The following NDUFAF6 variants were observed in gnomAD, a reference collection of about 807,000 sequenced individuals.
The protein encoded by NDUFAF6 is NADH dehydrogenase (ubiquinone) complex I, assembly factor 6.
Under a neutral mutation model 40.8 loss-of-function variants are expected in NDUFAF6, and 45 were observed. The ratio of observed to expected loss-of-function variants is 1.10; its 90% CI spans 0.87 to 1.42. The LOEUF (loss-of-function observed/expected upper bound fraction) is 1.42, where lower values mean the gene tolerates loss of function less well. Ranked by LOEUF, NDUFAF6 falls within the 40% of genes most tolerant of loss-of-function variation. The probability of loss-of-function intolerance (pLI) is 0.00; values close to 1 mark genes in which losing one functional copy is unlikely to be tolerated. For missense variants in NDUFAF6, 435 were observed against 418.5 expected (o/e 1.04, Z -0.34); for synonymous variants, 185 against 155.9 (o/e 1.19, Z -1.39).
intron 1 of NDUFAF6, among the ~76,000 whole-genome samples, chr8:94,896,283 C>G (rs1313460020): frequency 6.7e-6 from 1 of 148,454 alleles, no homozygotes; most frequent in African/African-American, 2.4e-5. Flanking sequence ...GCCGCCGCCG[C>G]CAGCGCGCCC....
At chr8:95,080,194 A>G (rs187936726), downstream of NDUFAF6, among the ~76,000 whole-genome samples, 953 of 142,456 alleles carry the variant, frequency 6.7e-3, 17 homozygotes, top group Non-Finnish European at 0.011. Flanking sequence ...TATTTTTTGT[A>G]GTGATTTTTT....
At chr8:95,042,022 A>G (rs1409679468) in intron 4 of NDUFAF6, among the ~76,000 whole-genome samples, 3 of 152,266 alleles carry the variant, frequency 2.0e-5, no homozygotes, top group Non-Finnish European at 4.4e-5. Flanking sequence ...AAACATAGCC[A>G]TGATATGATT....
intron 6 of NDUFAF6, among the ~76,000 whole-genome samples, chr8:95,047,332 T>A (rs1830890299): frequency 6.6e-6 from 1 of 152,134 alleles, no homozygotes; most frequent in Admixed American, 6.5e-5. Context: ...GGAGGAGCAA[T>A]GAGTAGGAAG....
chr8:94,926,408 AC>A (rs1819898321), intron 1 of NDUFAF6: 1 of 101,040 alleles, frequency 9.9e-6, no homozygotes, highest in South Asian at 3.8e-4. Flanking sequence ...AGAAAAAAAA[AC>A]AAAGCCACTT....
chr8:94,902,364 A>C (rs1818078590), intron 1 of NDUFAF6, among the ~76,000 whole-genome samples: 1 of 151,516 alleles, frequency 6.6e-6, no homozygotes, highest in Admixed American at 6.6e-5. Flanking sequence ...CATTGCAGTG[A>C]GCCCAGATCA....
downstream of NDUFAF6, among the ~76,000 whole-genome samples, chr8:95,105,797 G>A (rs1809826691): frequency 6.6e-6 from 1 of 151,280 alleles, no homozygotes; most frequent in African/African-American, 2.4e-5. Context: ...CACCACACCT[G>A]GCCAATTTTT....
intron 1 of NDUFAF6, among the ~76,000 whole-genome samples, chr8:94,958,956 G>A (rs1823321926): frequency 6.6e-6 from 1 of 152,206 alleles, no homozygotes. Flanking sequence ...GGAACTAGAT[G>A]TGAATGGGAA....
intron 2 of NDUFAF6, among the ~76,000 whole-genome samples, chr8:94,991,807 C>T (rs67245411): frequency 4.4e-3 from 306 of 69,708 alleles, no homozygotes; most frequent in Middle Eastern, 7.4e-3. Context: ...CCCCCCCCCC[C>T]TTTTTTTTTT....
intron 9 of NDUFAF6, among the ~76,000 whole-genome samples, chr8:95,070,899 G>A (rs1357451354): frequency 4.0e-5 from 6 of 151,872 alleles, no homozygotes; most frequent in Admixed American, 3.3e-4. Context: ...TCCCCTCCCC[G>A]AGTCATCTGC....
chr8:94,994,737 GC>G (rs1329233454), intron 2 of NDUFAF6, among the ~76,000 whole-genome samples: 1 of 152,102 alleles, frequency 6.6e-6, no homozygotes, highest in African/African-American at 2.4e-5. Context: ...GGAGGCCAAG[GC>G]AGGAGGATCA....
chr8:94,989,164 T>C (rs545766868), intron 2 of NDUFAF6: 3 of 152,280 alleles, frequency 2.0e-5, no homozygotes, highest in Admixed American at 2.0e-4. Context: ...AATAAAGTTG[T>C]TCAAAAAAAA....
chr8:94,949,529 C>G (rs1270186206), intron 2 of NDUFAF6: 4 of 151,946 alleles, frequency 2.6e-5, no homozygotes, highest in Admixed American at 2.6e-4. Flanking sequence ...CGGCCGGCGG[C>G]GCGCTCAGCT....
chr8:94,955,828 C>T (rs1230335959), upstream of NDUFAF6, among the ~76,000 whole-genome samples: 3 of 152,154 alleles, frequency 2.0e-5, no homozygotes, highest in Non-Finnish European at 4.4e-5. Flanking sequence ...ACCTAACCTG[C>T]ATTTTGTATT....
At chr8:95,049,424 G>A (rs1286697462) in intron 7 of NDUFAF6, among the ~76,000 whole-genome samples, 7 of 152,120 alleles carry the variant, frequency 4.6e-5, no homozygotes, top group African/African-American at 1.7e-4. Flanking sequence ...TCTTGAAATT[G>A]TCTGTCATTC....
chr8:94,906,497 T>G (rs746410794), intron 1 of NDUFAF6, among the ~76,000 whole-genome samples: 1 of 152,206 alleles, frequency 6.6e-6, no homozygotes, highest in Non-Finnish European at 1.5e-5. Flanking sequence ...GCCCTTTCCC[T>G]TGGCAACAGG....
intron 2 of NDUFAF6, among the ~76,000 whole-genome samples, chr8:94,948,741 C>G (rs960344066): frequency 5.3e-5 from 8 of 152,088 alleles, no homozygotes; most frequent in African/African-American, 7.2e-5. Flanking sequence ...ATCCAACGGC[C>G]GAGAGCAGGC....
intron 2 of NDUFAF6, among the ~76,000 whole-genome samples, chr8:95,000,604 A>G (rs1014501164): frequency 2.0e-5 from 3 of 151,772 alleles, no homozygotes; most frequent in Non-Finnish European, 4.4e-5. Flanking sequence ...AAAAATTCAA[A>G]CTATATAAAA....
chr8:95,105,217 A>G (rs1195706279), downstream of NDUFAF6, among the ~76,000 whole-genome samples: 1 of 152,150 alleles, frequency 6.6e-6, no homozygotes, highest in Non-Finnish European at 1.5e-5. Flanking sequence ...TTTCTAAGGA[A>G]TAAATAAGTC....
chr8:94,941,964 C>T (rs1416983291), intron 1 of NDUFAF6, among the ~76,000 whole-genome samples: 1 of 152,104 alleles, frequency 6.6e-6, no homozygotes, highest in African/African-American at 2.4e-5. Context: ...TATACACTGC[C>T]CTTCATCCCT....
Sources: gnomAD v4.1 joint callset for allele counts (sites outside exome capture counted in the v4.1 genomes callset) on GRCh38, gnomAD v4.1.1 for gene constraint, MANE v1.5 for transcripts, NCBI Gene and HGNC (gene_info 2026-07-23, HGNC 2026-07-21) for gene names.